Variants in BCAS3 observed in about 807,000 individuals in gnomAD.
BCAS3 encodes BCAS3 microtubule associated cell migration factor.
Under a neutral mutation model 116.1 loss-of-function variants are expected in BCAS3, and 53 were observed. That is an observed-to-expected ratio of 0.46 (90% confidence interval 0.37 to 0.57). The LOEUF is 0.57. Ranked by LOEUF, BCAS3 falls within the 20% of genes least tolerant of loss-of-function variation. The pLI is 0.00. For synonymous variants in BCAS3, 391 were observed against 408.2 expected (o/e 0.96, Z 0.51); for missense variants, 917 against 1,165.4 (o/e 0.79, Z 3.10).
Position 61,347,372 on chromosome 17 carries a change from G to A in BCAS3, c.2426-20955G>A, listed in dbSNP as rs866899545. 2.0e-5 allele frequency among the ~76,000 whole-genome samples: 3 copies of A among 152,086 alleles called. No homozygotes were observed. The highest frequency in any genetic ancestry group is 6.5e-5 in the Admixed American group (1 of 15,274). On this transcript the variant is annotated intron_variant, in intron 22 of 23. Coordinates refer to ENST00000407086, the MANE Select transcript of BCAS3 (RefSeq NM_017679.5). The surrounding 1 kb of genome is among the most constrained non-coding windows in gnomAD (Gnocchi z 4.3). ...GCTGGGATTATAGGCATGAGCCACC[G>A]CACCCGGCCAGAATCACTCTTCAGA...
rs2063445202 is a variant in BCAS3 at position 60,990,329 on chromosome 17, G to C, written c.1486+94G>C. ...GATAAAACTAAACTTGTTATAGTCTGTTCATGTAAAAAGAAGATCTTAGGC... is the reference window on the plus strand; with the variant it reads ...GATAAAACTAAACTTGTTATAGTCTCTTCATGTAAAAAGAAGATCTTAGGC... On this transcript the variant is annotated intron_variant, in intron 15 of 23. Coordinates refer to ENST00000407086, the MANE Select transcript of BCAS3 (RefSeq NM_017679.5). This position sits in a 1 kb window ranked among gnomAD's most constrained non-coding sequence, Gnocchi z 5.1. The C allele has an allele frequency of 2.2e-6, 3 of 1,335,536 alleles. No homozygotes were observed. The South Asian group carries it at 4.4e-5, about 19-fold the overall frequency. 82.7% of individuals were successfully genotyped at this position (1,335,536 alleles called of 1,614,324 possible). A position where few individuals can be genotyped will look rare whatever the true frequency, so the allele number is the denominator to read the frequency against.
chr17:61,129,539 G>T (rs1204710668), intron 22 of BCAS3, among the ~76,000 whole-genome samples: 1 of 152,218 alleles, frequency 6.6e-6, no homozygotes, highest in East Asian at 1.9e-4. Context: ...GCTGGTGGGT[G>T]GGTATTTGTC....
chr17:60,735,517 G>A (rs1244772130), intron 5 of BCAS3, among the ~76,000 whole-genome samples: 2 of 151,516 alleles, frequency 1.3e-5, no homozygotes, highest in African/African-American at 2.4e-5. Flanking sequence ...GCAGTGGCAC[G>A]ATCTCAGCTC....
chr17:61,057,470 T>C (rs1455009200), intron 19 of BCAS3, among the ~76,000 whole-genome samples: 1 of 152,180 alleles, frequency 6.6e-6, no homozygotes, highest in East Asian at 1.9e-4. Flanking sequence ...TTACCTTGAG[T>C]GAGTCATTGC....
rs1055568108 is a variant in BCAS3 at position 61,343,509 on chromosome 17, A to G, written c.2426-24818A>G. Among the ~76,000 whole-genome samples, 2 of 152,188 alleles carry G rather than the reference A, an allele frequency of 1.3e-5. No homozygotes were observed. Among genetic ancestry groups the G allele is most frequent in the Admixed American group, 6.5e-5 (1 of 15,280 alleles). On this transcript the variant is annotated intron_variant, in intron 22 of 23. Coordinates refer to ENST00000407086, the MANE Select transcript of BCAS3 (RefSeq NM_017679.5). This position sits in a 1 kb window ranked among gnomAD's most constrained non-coding sequence, Gnocchi z 5.5. ...CCAAACTTTTGCCCCAGAAGTTCTG[A>G]CTCTAGTCTGGAGTGGGCCTTGTAG...
At chr17:61,353,302 G>A (rs565311106) in intron 22 of BCAS3, among the ~76,000 whole-genome samples, 2 of 152,294 alleles carry the variant, frequency 1.3e-5, no homozygotes, top group East Asian at 3.9e-4. Flanking sequence ...AGTAGGGTGT[G>A]GGCAGTGATT....
rs532466079 is a variant in BCAS3, at chr17:61,368,568, C to T, written c.2593+74C>T. 6.9e-6 allele frequency: 10 copies of T among 1,454,452 alleles called. No individual in the cohort carries two copies. The highest frequency in any genetic ancestry group is 5.7e-5 in the South Asian group (4 of 70,506). The allele number at this position is 1,454,452 out of a possible 1,614,324, so 90.1% of individuals were successfully genotyped here. A position where few individuals can be genotyped will look rare whatever the true frequency, so the allele number is the denominator to read the frequency against. On this transcript the variant is annotated intron_variant, in intron 23 of 23. Transcript: ENST00000407086. The surrounding 1 kb of genome is among the most constrained non-coding windows in gnomAD (Gnocchi z 6.0). ...TGTTGGTGCAGAGCTTCTCTGGAATCGTTTGTGGGCATATGTTTGTTTTTG... is the reference window on the plus strand; with the variant it reads ...TGTTGGTGCAGAGCTTCTCTGGAATTGTTTGTGGGCATATGTTTGTTTTTG...
intron 23 of BCAS3, among the ~76,000 whole-genome samples, chr17:61,385,988 G>A (rs1326692930): frequency 6.6e-6 from 1 of 152,222 alleles, no homozygotes. Flanking sequence ...TGGGGAGGGA[G>A]GCTGGAGAGG....
At chr17:61,158,938 C>T (rs1257254666) in intron 22 of BCAS3, among the ~76,000 whole-genome samples, 2 of 152,124 alleles carry the variant, frequency 1.3e-5, no homozygotes, top group Non-Finnish European at 2.9e-5. Flanking sequence ...ATTATTTATA[C>T]ATCAGCTTGC....
At chr17:60,801,770 T>C (rs2047805471) in intron 6 of BCAS3, among the ~76,000 whole-genome samples, 1 of 152,204 alleles carries the variant, frequency 6.6e-6, no homozygotes, top group African/African-American at 2.4e-5. Flanking sequence ...TCATGTACTG[T>C]GCTAGAACCT....
chr17:60,811,885 C>CA (rs199818536), intron 7 of BCAS3, among the ~76,000 whole-genome samples: 6,681 of 151,270 alleles, frequency 0.044, 388 homozygotes, highest in African/African-American at 0.13. Context: ...CTGTCTCTAC[C>CA]AAAAAAAATA....
rs2061402244 is a variant in BCAS3, at chr17:60,961,328, A to G, written c.1221+13976A>G. ...GCATTACAGAGGTTTATCAGCATAC[A>G]TGATTCTGGCGGCTGGCTAGGCTAG... On this transcript the variant is annotated intron_variant, in intron 14 of 23. Transcript: ENST00000407086. This position sits in a 1 kb window ranked among gnomAD's most constrained non-coding sequence, Gnocchi z 4.8. 6.6e-6 allele frequency among the ~76,000 whole-genome samples: 1 copy of G among 152,156 alleles called. No homozygotes were observed. The highest frequency in any genetic ancestry group is 6.5e-5 in the Admixed American group (1 of 15,272).
At chr17:60,872,777 C>T (rs573726199) in intron 8 of BCAS3, among the ~76,000 whole-genome samples, 59 of 150,900 alleles carry the variant, frequency 3.9e-4, no homozygotes, top group African/African-American at 1.4e-3. Flanking sequence ...CACACACACC[C>T]CATATATATC....
rs754855648 is a variant in BCAS3, at chr17:61,392,137, C to G, written c.*12C>G. On this transcript the variant is annotated 3_prime_UTR_variant, in exon 24 of 24. Transcript: ENST00000407086. The surrounding 1 kb of genome is among the most constrained non-coding windows in gnomAD (Gnocchi z 6.4). Reference sequence around the variant, plus strand: ...CTGGCTTCCCGTAGGTACCAGCAACCTGCTTCTGACTGGCCAGCCCCCTCC... The same window carrying G: ...CTGGCTTCCCGTAGGTACCAGCAACGTGCTTCTGACTGGCCAGCCCCCTCC... 1 of 1,611,760 alleles carries G rather than the reference C, an allele frequency of 6.2e-7. No homozygotes were observed. Among genetic ancestry groups the G allele is most frequent in the South Asian group, 1.1e-5 (1 of 90,912 alleles).
chr17:60,903,973 A>G (rs796348307), intron 11 of BCAS3, among the ~76,000 whole-genome samples: 1 of 152,212 alleles, frequency 6.6e-6, no homozygotes, highest in African/African-American at 2.4e-5. Context: ...AGTAATTTTT[A>G]GTTATGGAAT....
At chr17:61,372,304 T>C (rs1009461114) in intron 23 of BCAS3, among the ~76,000 whole-genome samples, 1 of 152,232 alleles carries the variant, frequency 6.6e-6, no homozygotes, top group Admixed American at 6.5e-5. Context: ...ACTCAGCCTC[T>C]GGCTACTTCT....
intron 22 of BCAS3, among the ~76,000 whole-genome samples, chr17:61,308,186 T>G (rs1949882846): frequency 6.7e-6 from 1 of 148,444 alleles, no homozygotes; most frequent in Non-Finnish European, 1.5e-5. Context: ...GTGTTGTTGT[T>G]TATGGCGTCT....
chr17:61,115,654 T>C (rs1401948157), intron 22 of BCAS3, among the ~76,000 whole-genome samples: 1 of 136,460 alleles, frequency 7.3e-6, no homozygotes, highest in Admixed American at 7.6e-5. Context: ...GACTGTAAAC[T>C]AGTTCAACCA....
At chr17:61,374,341 T>C (rs887147257) in intron 23 of BCAS3, among the ~76,000 whole-genome samples, 2 of 151,570 alleles carry the variant, frequency 1.3e-5, no homozygotes, top group African/African-American at 4.9e-5. Flanking sequence ...CGGCTAATTT[T>C]TGTATTTTTA....
Sources: allele counts gnomAD v4.1 joint callset (sites outside exome capture counted in the v4.1 genomes callset), GRCh38; gene constraint gnomAD v4.1.1; non-coding constraint Gnocchi (gnomAD v3.1); transcripts MANE v1.5; gene names NCBI Gene and HGNC (gene_info 2026-07-23, HGNC 2026-07-21).